Variants in ANKLE2 observed in about 807,000 individuals in gnomAD.
ANKLE2 encodes ankyrin repeat and LEM domain-containing protein 2.
In ANKLE2, 55 loss-of-function variants were observed where a neutral mutation model predicts 84.2. The ratio of observed to expected loss-of-function variants is 0.65; its 90% CI spans 0.53 to 0.82. The LOEUF (loss-of-function observed/expected upper bound fraction) is 0.82. Ranked by LOEUF, ANKLE2 falls within the 40% of genes least tolerant of loss-of-function variation. ANKLE2 has a pLI of 0.00. For synonymous variants in ANKLE2, 551 were observed against 486.1 expected (o/e 1.13, Z -1.76); for missense variants, 1,238 against 1,201.9 (o/e 1.03, Z -0.44).
intron 7 of ANKLE2, among the ~76,000 whole-genome samples, chr12:132,740,849 C>T (rs1034676127): frequency 5.3e-5 from 8 of 151,952 alleles, no homozygotes; most frequent in African/African-American, 1.7e-4. Context: ...GGGGAGGGAA[C>T]GTCCCGGAGG....
chr12:132,751,378 G>A (rs2136169183), intron 2 of ANKLE2: 1 of 153,000 alleles, frequency 6.5e-6, no homozygotes, highest in South Asian at 2.1e-4. Flanking sequence ...CGAGTAGCTG[G>A]GATTATGGGC....
At chr12:132,728,315 C>T (rs749698382) in intron 11 of ANKLE2, 152 bp from the exon 12 acceptor site, 18 of 908,470 alleles carry the variant, frequency 2.0e-5, no homozygotes, top group South Asian at 4.8e-5. Flanking sequence ...TCGCAAGCTC[C>T]GCCTCCCGGG....
chr12:132,741,089 A>C (rs919950702), intron 7 of ANKLE2, among the ~76,000 whole-genome samples: 21 of 152,220 alleles, frequency 1.4e-4, no homozygotes, highest in African/African-American at 2.4e-4. Context: ...CCTGAAGAGA[A>C]GCCATCACAA....
At chr12:132,733,917 C>T in intron 10 of ANKLE2, 1 of 454,482 alleles carries the variant, frequency 2.2e-6, no homozygotes, top group Admixed American at 2.4e-5. Flanking sequence ...CAAACACAAG[C>T]AGAAACAGCA....
intron 10 of ANKLE2, chr12:132,731,093 A>G (rs1310752599): frequency 2.6e-5 from 4 of 152,258 alleles, no homozygotes; most frequent in African/African-American, 9.6e-5. Context: ...GACAGGCAAC[A>G]GAAATGTCCC....
At position 132,761,760 on chromosome 12, in the gene ANKLE2, C is replaced by A. The variant is rs1458692212; in HGVS notation, c.39G>T (p.Ala13=). The change falls in exon 1 of 13, where the codon GCG becomes GCT. Residue 13 remains alanine, a synonymous_variant. Coordinates refer to ENST00000357997, the MANE Select transcript of ANKLE2 (RefSeq NM_015114.3). ...AGGCGCCCAGCAGCTCCCAGGCCAG[C>A]GCCGCCCACTCGGCCGCCGCCAGCC... ...WPRLAAAEWA[A]LAWELLGASV... 1.7e-6 allele frequency: 2 copies of A among 1,204,696 alleles called. No homozygotes were observed. The highest frequency in any genetic ancestry group is 2.1e-6 in the Non-Finnish European group (2 of 970,522). The allele number at this position is 1,204,696 out of a possible 1,614,324, so 74.6% of individuals were successfully genotyped here. A position where few individuals can be genotyped will look rare whatever the true frequency, so the allele number is the denominator to read the frequency against.
chr12:132,741,865 T>C (rs2044130769), intron 6 of ANKLE2: 1 of 464,614 alleles, frequency 2.2e-6, no homozygotes, highest in African/African-American at 2.0e-5. Flanking sequence ...AAACTTTTTG[T>C]TGTGAGGCTG....
chr12:132,732,929 A>G (rs1478948939), intron 10 of ANKLE2, among the ~76,000 whole-genome samples: 1 of 140,920 alleles, frequency 7.1e-6, no homozygotes, highest in Non-Finnish European at 1.5e-5. Flanking sequence ...CTGGTGTCTG[A>G]TATGCACCGT....
In ANKLE2 at chr12:132,735,388, G is replaced by A. The variant is rs758079317; in HGVS notation, c.1700+18C>T. The A allele has an allele frequency of 4.7e-5, 75 of 1,608,306 alleles. No homozygotes were observed. The highest frequency in any genetic ancestry group is 6.7e-5 in the Admixed American group (4 of 59,986). On this transcript the variant is annotated intron_variant, in intron 9 of 12. Coordinates refer to ENST00000357997, the MANE Select transcript of ANKLE2 (RefSeq NM_015114.3). ...CCAACTGTGTGCCCCACGCTGCTGC[G>A]GCTCAGCCTTTCAGTACCTTCCCAC...
intron 9 of ANKLE2, chr12:132,734,802 C>T (rs1051105543): frequency 1.2e-5 from 6 of 512,052 alleles, no homozygotes; most frequent in African/African-American, 4.0e-5. Flanking sequence ...AGCCGTGAAC[C>T]GGCTGCAGGC....
intron 7 of ANKLE2, 81 bp from the exon 8 acceptor site, chr12:132,737,146 C>T (rs943910616): frequency 3.8e-5 from 55 of 1,462,120 alleles, no homozygotes; most frequent in African/African-American, 2.5e-4. Context: ...GGGGATCACG[C>T]GAGCCCTTGC....
At chr12:132,748,395 A>G (rs1012167162) in intron 3 of ANKLE2, 64 bp from the exon 4 acceptor site, 3 of 1,571,622 alleles carry the variant, frequency 1.9e-6, no homozygotes, top group African/African-American at 1.3e-5. Context: ...TCACCCATGC[A>G]CCCTCTGATG....
chr12:132,758,930 G>GTTATTT lies in ANKLE2; in HGVS notation c.181+2687_181+2688insAAATAA. 1.2e-4 allele frequency: 16 copies of GTTATTT among 138,080 alleles called. 2 individuals are homozygous for GTTATTT. Among genetic ancestry groups the GTTATTT allele is most frequent in the African/African-American group, 4.2e-4 (15 of 35,544 alleles). 8.6% of individuals were successfully genotyped at this position (138,080 alleles called of 1,614,324 possible). On this transcript the variant is annotated intron_variant, in intron 1 of 12. Transcript: ENST00000357997. The stretch of plus-strand genomic sequence containing the variant: ...AGTGGCACCCCGGGGCACCCACGTG[G>GTTATTT]CAGAGTGGATCACGCAGTGTGGCAC...
rs78814524 is a variant in ANKLE2 at position 132,741,307 on chromosome 12, G to T, written c.1420+112C>A. ...TCCCGAGGAGAGGCTTCCGAGGGGAGCCGGCACACGCCCGGGGAGCTCAGG... is the reference window on the plus strand; with the variant it reads ...TCCCGAGGAGAGGCTTCCGAGGGGATCCGGCACACGCCCGGGGAGCTCAGG... On this transcript the variant is annotated intron_variant, in intron 7 of 12. Coordinates refer to ENST00000357997, the MANE Select transcript of ANKLE2 (RefSeq NM_015114.3). The T allele has an allele frequency of 0.011, 11,541 of 1,032,964 alleles. 836 individuals are homozygous for T. The African/African-American group carries it at 0.16, about 14-fold the overall frequency. 64.0% of individuals were successfully genotyped at this position (1,032,964 alleles called of 1,614,324 possible). A position where few individuals can be genotyped will look rare whatever the true frequency, so the allele number is the denominator to read the frequency against.
intron 10 of ANKLE2, 61 bp downstream of exon 10, chr12:132,734,324 G>A (rs1007426345): frequency 1.0e-5 from 16 of 1,565,290 alleles, no homozygotes; most frequent in Admixed American, 1.9e-5. Flanking sequence ...TGCGCATCCC[G>A]TCAGACCCCG....
Position 132,734,560 on chromosome 12 carries a change from C to T in ANKLE2, c.1716G>A (p.Glu572=), listed in dbSNP as rs767294165. ...FERVGRELAH[E]LGYPWVEYWE... Reference sequence around the variant, plus strand: ...AGTATTCAACCCAGGGATACCCCAGCTCATGAGCTAGCTCCCTGTAAGAAA... The same window carrying T: ...AGTATTCAACCCAGGGATACCCCAGTTCATGAGCTAGCTCCCTGTAAGAAA... The change falls in exon 10 of 13, where the codon GAG becomes GAA. Residue 572 remains glutamate (E), a synonymous_variant. Coordinates refer to ENST00000357997, the MANE Select transcript of ANKLE2 (RefSeq NM_015114.3). 6.2e-7 allele frequency: 1 copy of T among 1,611,796 alleles called. No individual in the cohort carries two copies. Among genetic ancestry groups the T allele is most frequent in the Non-Finnish European group, 8.5e-7 (1 of 1,179,200 alleles).
intron 2 of ANKLE2, among the ~76,000 whole-genome samples, chr12:132,753,703 T>C (rs1047789021): frequency 1.3e-5 from 2 of 151,782 alleles, no homozygotes; most frequent in Non-Finnish European, 2.9e-5. Context: ...ATCGCACCAC[T>C]GCACTCCAGC....
rs114457514 is a variant in ANKLE2 at position 132,761,417 on chromosome 12, G to A, written c.181+201C>T. The A allele has an allele frequency of 0.016, 6,579 of 401,202 alleles. 387 individuals carry two copies. The highest frequency in any genetic ancestry group is 0.12 in the African/African-American group (5,943 of 47,620). The allele number at this position is 401,202 out of a possible 1,614,324, so 24.9% of individuals were successfully genotyped here. ...CCCCCGAACCCGGCGTGGCCCCTCCGCCCCCGGCCCGGGAAGCCAAGTCCC... is the reference window on the plus strand; with the variant it reads ...CCCCCGAACCCGGCGTGGCCCCTCCACCCCCGGCCCGGGAAGCCAAGTCCC... On this transcript the variant is annotated intron_variant, in intron 1 of 12. Transcript: ENST00000357997.
At chr12:132,734,001 C>T (rs1479270964) in intron 10 of ANKLE2, 1 of 461,082 alleles carries the variant, frequency 2.2e-6, no homozygotes, top group Non-Finnish European at 4.3e-6. Flanking sequence ...TTAACCTTCC[C>T]AGCACTCTAG....
Sources: gnomAD v4.1 joint callset for allele counts (sites outside exome capture counted in the v4.1 genomes callset) on GRCh38, gnomAD v4.1.1 for gene constraint, MANE v1.5 for transcripts, NCBI Gene and HGNC (gene_info 2026-07-23, HGNC 2026-07-21) for gene names.